SLIT2: variants seen among roughly 807,000 people sequenced by gnomAD.
SLIT2 encodes the protein slit homolog 2 protein.
SLIT2 carries 41 observed loss-of-function variants against 185.7 expected under a neutral mutation model. The observed-to-expected ratio is 0.22, with a 90% CI of 0.17 to 0.29. The LOEUF is 0.29. Ranked by LOEUF, SLIT2 falls within the 10% of genes least tolerant of loss-of-function variation. SLIT2 has a pLI of 1.00. For synonymous variants in SLIT2, 693 were observed against 680.2 expected, an observed-to-expected ratio of 1.02 and a Z score of -0.29; for missense variants, 1,571 against 1,909.0, an observed-to-expected ratio of 0.82 and a Z score of 3.30.
chr4:20,261,944 T>C (rs1712521764), intron 3 of SLIT2, among the ~76,000 whole-genome samples: 1 of 151,738 alleles, frequency 6.6e-6, no homozygotes, highest in South Asian at 2.1e-4. Context: ...TCTCCTAGTG[T>C]TAGTATAATT....
intron 4 of SLIT2, among the ~76,000 whole-genome samples, chr4:20,373,942 T>C (rs184862205): frequency 1.3e-5 from 2 of 152,120 alleles, no homozygotes; most frequent in East Asian, 3.9e-4. Context: ...AGAAGAAAGA[T>C]GTAGTAGCAG....
chr4:20,387,189 C>G (rs1466666313), intron 4 of SLIT2, among the ~76,000 whole-genome samples: 1 of 151,968 alleles, frequency 6.6e-6, no homozygotes, highest in African/African-American at 2.4e-5. Context: ...CAGTACTTAA[C>G]CTTTATTGTT....
chr4:20,588,910 C>T (rs1298542773), intron 29 of SLIT2, among the ~76,000 whole-genome samples: 11 of 152,068 alleles, frequency 7.2e-5, no homozygotes, highest in Admixed American at 7.2e-4. Flanking sequence ...ATTGAGTCTC[C>T]TTTTACTTTT....
At chr4:20,272,741 A>G (rs73251373) in intron 4 of SLIT2, among the ~76,000 whole-genome samples, 9 of 152,200 alleles carry the variant, frequency 5.9e-5, no homozygotes, top group Non-Finnish European at 1.0e-4. Context: ...TTTCACTTTT[A>G]TCTGCCAAAC....
intron 4 of SLIT2, among the ~76,000 whole-genome samples, chr4:20,365,515 C>T (rs187124615): frequency 6.6e-6 from 1 of 152,198 alleles, no homozygotes; most frequent in East Asian, 1.9e-4. Context: ...GGGCTGTACC[C>T]GATTGTTCTG....
At position 20,618,012 on chromosome 4, in the gene SLIT2, C is replaced by A. The variant is rs570464576; in HGVS notation, c.4348+362C>A. The stretch of plus-strand genomic sequence containing the variant: ...CTTACCTTTACCGGCTGTTCTCATC[C>A]GTATATATTATTAATTCATCTTCTG... On this transcript the variant is annotated intron_variant, in intron 36 of 36. Coordinates refer to ENST00000504154, the MANE Select transcript of SLIT2 (RefSeq NM_004787.4). Among the ~76,000 whole-genome samples the A allele has an allele frequency of 2.6e-5, 4 of 152,128 alleles. 1 individual carries two copies. The highest frequency in any genetic ancestry group is 9.7e-5 in the African/African-American group (4 of 41,416).
At chr4:20,572,948 A>G (rs911697314) in intron 29 of SLIT2, among the ~76,000 whole-genome samples, 2 of 152,206 alleles carry the variant, frequency 1.3e-5, no homozygotes, top group Admixed American at 6.5e-5. Context: ...TCTGACGCCC[A>G]TGCACAAGCC....
At chr4:20,443,583 A>C (rs1358598258) in intron 4 of SLIT2, among the ~76,000 whole-genome samples, 3 of 15,594 alleles carry the variant, frequency 1.9e-4, no homozygotes, top group Non-Finnish European at 4.4e-4. Flanking sequence ...GAGAAAATCT[A>C]AAAAAAAAAA....
intron 4 of SLIT2, among the ~76,000 whole-genome samples, chr4:20,424,971 T>C (rs1728440773): frequency 6.6e-6 from 1 of 152,134 alleles, no homozygotes; most frequent in Non-Finnish European, 1.5e-5. Context: ...TTTCTAAATA[T>C]TTCAGTTGAT....
chr4:20,606,638 G>T (rs763859226), intron 33 of SLIT2, among the ~76,000 whole-genome samples: 1 of 152,108 alleles, frequency 6.6e-6, no homozygotes, highest in Non-Finnish European at 1.5e-5. Flanking sequence ...GACATTTAAA[G>T]CTTTTAGGGA....
At chr4:20,493,060 T>C (rs1202482562) in intron 9 of SLIT2, among the ~76,000 whole-genome samples, 2 of 152,196 alleles carry the variant, frequency 1.3e-5, no homozygotes, top group African/African-American at 2.4e-5. Context: ...CTAGAAGACA[T>C]CTTTTAGTAT....
At chr4:20,404,935 T>A (rs745614731) in intron 4 of SLIT2, among the ~76,000 whole-genome samples, 2 of 151,968 alleles carry the variant, frequency 1.3e-5, no homozygotes, top group Non-Finnish European at 2.9e-5. Flanking sequence ...AATACTGGTA[T>A]TTTTTTCTGG....
intron 30 of SLIT2, 147 bp downstream of exon 30, chr4:20,589,884 C>G: frequency 4.9e-6 from 2 of 408,760 alleles, no homozygotes; most frequent in Non-Finnish European, 9.0e-6. Flanking sequence ...TTTTAAATGT[C>G]GATATACAAT....
In SLIT2 at chr4:20,386,894, A is replaced by G. The variant is rs185617690; in HGVS notation, c.396-80858A>G. ...AACATGCTCCCATGAACCACGGGGTATGTGGTGGGCTTTTATTATAGTTTT... is the reference window on the plus strand; with the variant it reads ...AACATGCTCCCATGAACCACGGGGTGTGTGGTGGGCTTTTATTATAGTTTT... On this transcript the variant is annotated intron_variant, in intron 4 of 36. Transcript: ENST00000504154. Among the ~76,000 whole-genome samples, 288 of 152,268 alleles carry G rather than the reference A, an allele frequency of 1.9e-3. 2 individuals carry two copies. Among genetic ancestry groups the G allele is most frequent in the Non-Finnish European group, 2.8e-3 (190 of 68,018 alleles).
At position 20,472,588 on chromosome 4, in the gene SLIT2, AGATATATATCT is replaced by A. The variant is rs1715605786; in HGVS notation, c.467+4766_467+4776del. 1.6e-4 allele frequency among the ~76,000 whole-genome samples: 2 copies of A among 12,316 alleles called. 1 individual carries two copies. Among genetic ancestry groups the A allele is most frequent in the African/African-American group, 1.4e-3 (2 of 1,418 alleles). The allele number at this position is 12,316 out of a possible 152,430, so 8.1% of individuals were successfully genotyped here. On this transcript the variant is annotated intron_variant, in intron 5 of 36. Coordinates refer to ENST00000504154, the MANE Select transcript of SLIT2 (RefSeq NM_004787.4). ...TCTATATATAGATATATCTATATAT[AGATATATATCT>A]ATAGATATATCTATATATATCGATA... is the stretch of plus-strand genomic sequence containing the variant.
chr4:20,589,718 C>T lies in SLIT2; in HGVS notation c.3163C>T (p.Leu1055=), dbSNP rs1341302880. 1 of 1,613,352 alleles carries T rather than the reference C, an allele frequency of 6.2e-7. No individual in the cohort carries two copies. The highest frequency in any genetic ancestry group is 8.5e-7 in the Non-Finnish European group (1 of 1,179,756). Residue 1055 remains leucine (L), a synonymous_variant, in exon 30 of 37, where the codon CTA becomes TTA. Transcript: ENST00000504154. ...CTGCCAGCACGATTCAAAGTGCATC[C>T]TAACTCCAAAGGGATTCAAGTAAGT... ...NPCQHDSKCI[L]TPKGFKCDCT...
intron 4 of SLIT2, among the ~76,000 whole-genome samples, chr4:20,279,078 C>T (rs1455514544): frequency 6.6e-6 from 1 of 152,106 alleles, no homozygotes. Context: ...GATAAACTCT[C>T]CAGGCTTGCC....
chr4:20,350,360 A>G (rs1270193810), intron 4 of SLIT2, among the ~76,000 whole-genome samples: 1 of 151,944 alleles, frequency 6.6e-6, no homozygotes, highest in Non-Finnish European at 1.5e-5. Flanking sequence ...GTAGTCTGGA[A>G]CCAGTAGATT....
intron 4 of SLIT2, among the ~76,000 whole-genome samples, chr4:20,271,498 T>TAC (rs1713607597): frequency 6.8e-6 from 1 of 146,768 alleles, no homozygotes; most frequent in African/African-American, 2.5e-5. Flanking sequence ...ATATTATATA[T>TAC]ATATATATAG....
Sources: allele counts gnomAD v4.1 joint callset (sites outside exome capture counted in the v4.1 genomes callset), GRCh38; gene constraint gnomAD v4.1.1; transcripts MANE v1.5; gene names NCBI Gene and HGNC (gene_info 2026-07-23, HGNC 2026-07-21).